The following GALM variants were observed in gnomAD, a reference collection of about 807,000 sequenced individuals.
GALM encodes galactose mutarotase.
GALM carries 43 observed loss-of-function variants against 37.4 expected under a neutral mutation model. The observed-to-expected ratio is 1.15, with a 90% CI of 0.90 to 1.48. GALM has a LOEUF of 1.48. Among genes scored for constraint, GALM ranks in the 40% most tolerant of loss-of-function variants. The probability of loss-of-function intolerance (pLI) is 0.00; values close to 1 mark genes in which losing one functional copy is unlikely to be tolerated. For synonymous variants in GALM, 199 were observed against 170.6 expected, an observed-to-expected ratio of 1.17 and a Z score of -1.30; for missense variants, 456 against 419.1, an observed-to-expected ratio of 1.09 and a Z score of -0.77.
At chr2:38,700,832 T>C (rs1665903154) in intron 4 of GALM, among the ~76,000 whole-genome samples, 1 of 152,218 alleles carries the variant, frequency 6.6e-6, no homozygotes, top group African/African-American at 2.4e-5. Context: ...ATCCTTGTGA[T>C]TGGTGGTTTT....
At chr2:38,681,716 C>T (rs1665400894) in intron 3 of GALM, among the ~76,000 whole-genome samples, 1 of 152,258 alleles carries the variant, frequency 6.6e-6, no homozygotes, top group South Asian at 2.1e-4. Flanking sequence ...CCGTTTGCTT[C>T]AGACAAGTAA....
chr2:38,719,938 GCGTTGGCT>G (rs993884240), intron 4 of GALM, among the ~76,000 whole-genome samples: 49 of 151,632 alleles, frequency 3.2e-4, no homozygotes, highest in Non-Finnish European at 6.2e-4. Flanking sequence ...TTGGCCAGGC[GCGTTGGCT>G]CACACCAACA....
chr2:38,701,618 G>A (rs1295113483), intron 4 of GALM, among the ~76,000 whole-genome samples: 3 of 152,122 alleles, frequency 2.0e-5, no homozygotes, highest in African/African-American at 7.2e-5. Context: ...GGTAGGAAAC[G>A]CTTGCCATGA....
At chr2:38,679,160 T>C (rs1204351855) in intron 2 of GALM, among the ~76,000 whole-genome samples, 1 of 152,122 alleles carries the variant, frequency 6.6e-6, no homozygotes, top group Non-Finnish European at 1.5e-5. Flanking sequence ...CTAATTTTTG[T>C]ATTTTTAGTA....
chr2:38,703,184 C>T lies in GALM; in HGVS notation c.634+13290C>T, dbSNP rs185062041. ...TTGCAATGGTGCGATCTCAGCTCAC[C>T]GCAACCTCTGCCTCCCAGGTTCAAG... On this transcript the variant is annotated intron_variant, in intron 4 of 6. Coordinates refer to ENST00000272252, the MANE Select transcript of GALM (RefSeq NM_138801.3). Among the ~76,000 whole-genome samples, 778 of 134,612 alleles carry T rather than the reference C, an allele frequency of 5.8e-3. 13 individuals are homozygous for T. The highest frequency in any genetic ancestry group is 0.019 in the African/African-American group (686 of 35,350). The allele number at this position is 134,612 out of a possible 152,430, so 88.3% of individuals were successfully genotyped here.
intron 4 of GALM, among the ~76,000 whole-genome samples, chr2:38,710,409 C>A (rs1666125557): frequency 6.6e-6 from 1 of 152,180 alleles, no homozygotes; most frequent in African/African-American, 2.4e-5. Context: ...GTCAAAAAGG[C>A]CTTCCTGTAT....
At chr2:38,674,545 C>G (rs1665191101) in intron 1 of GALM, among the ~76,000 whole-genome samples, 1 of 152,094 alleles carries the variant, frequency 6.6e-6, no homozygotes, top group African/African-American at 2.4e-5. Context: ...CAAACTTATA[C>G]TAAGCAATTA....
chr2:38,667,670 G>C (rs1664982567), intron 1 of GALM, among the ~76,000 whole-genome samples: 1 of 145,318 alleles, frequency 6.9e-6, no homozygotes, highest in Non-Finnish European at 1.5e-5. Context: ...GTTTTTGGTA[G>C]AGATGGGGTT....
intron 4 of GALM, among the ~76,000 whole-genome samples, chr2:38,722,753 C>T (rs895738979): frequency 1.6e-4 from 25 of 152,240 alleles, no homozygotes; most frequent in African/African-American, 4.8e-4. Flanking sequence ...GCTAGAAAAA[C>T]TGCATGTTCA....
At chr2:38,681,074 G>A (rs1665381217) in intron 2 of GALM, among the ~76,000 whole-genome samples, 1 of 151,612 alleles carries the variant, frequency 6.6e-6, no homozygotes. Context: ...GGAGGTTGCA[G>A]AGCCAAGACT....
intron 4 of GALM, among the ~76,000 whole-genome samples, chr2:38,697,489 G>A (rs1002200026): frequency 2.0e-5 from 3 of 152,028 alleles, no homozygotes; most frequent in Non-Finnish European, 4.4e-5. Context: ...AAGTTTTAAC[G>A]TGTGCTATTC....
intron 4 of GALM, among the ~76,000 whole-genome samples, chr2:38,726,273 C>T (rs1287699987): frequency 2.7e-5 from 4 of 149,100 alleles, no homozygotes; most frequent in African/African-American, 9.9e-5. Flanking sequence ...GTCGCCCAGG[C>T]TGGAGTGCAG....
At chr2:38,694,086 G>A (rs756451659) in intron 4 of GALM, among the ~76,000 whole-genome samples, 48 of 152,062 alleles carry the variant, frequency 3.2e-4, no homozygotes, top group Non-Finnish European at 6.0e-4. Flanking sequence ...GGAGGCTGAG[G>A]TAAGACAATT....
chr2:38,682,812 C>T (rs909670937), intron 3 of GALM, among the ~76,000 whole-genome samples: 1 of 151,892 alleles, frequency 6.6e-6, no homozygotes, highest in East Asian at 1.9e-4. Context: ...AGGAGAATCA[C>T]TTGAACCTGG....
At chr2:38,708,068 T>C (rs1666076390) in intron 4 of GALM, among the ~76,000 whole-genome samples, 1 of 150,932 alleles carries the variant, frequency 6.6e-6, no homozygotes. Flanking sequence ...GGTCATGCCA[T>C]TGCACTCCAG....
At chr2:38,672,302 A>G (rs1665128758) in intron 1 of GALM, among the ~76,000 whole-genome samples, 1 of 148,168 alleles carries the variant, frequency 6.7e-6, no homozygotes, top group East Asian at 1.9e-4. Flanking sequence ...TGTTTTTTAG[A>G]AAAAAAATTC....
At chr2:38,724,581 G>T (rs538303481) in intron 4 of GALM, among the ~76,000 whole-genome samples, 1 of 152,292 alleles carries the variant, frequency 6.6e-6, no homozygotes, top group South Asian at 2.1e-4. Flanking sequence ...GACCAAGTGT[G>T]TCAGTGCATG....
intron 4 of GALM, among the ~76,000 whole-genome samples, chr2:38,709,746 A>G (rs772774988): frequency 3.9e-5 from 6 of 152,216 alleles, no homozygotes; most frequent in African/African-American, 7.2e-5. Flanking sequence ...ACTGGAAGGA[A>G]GTAAAAATTC....
At chr2:38,725,721 T>TTTTG (rs1222746124) in intron 4 of GALM, among the ~76,000 whole-genome samples, 1 of 152,020 alleles carries the variant, frequency 6.6e-6, no homozygotes, top group African/African-American at 2.4e-5. Context: ...TTTTGTTTTG[T>TTTTG]TTTGTTTTGT....
Sources: gnomAD v4.1 joint callset for allele counts (sites outside exome capture counted in the v4.1 genomes callset) on GRCh38, gnomAD v4.1.1 for gene constraint, MANE v1.5 for transcripts, NCBI Gene and HGNC (gene_info 2026-07-23, HGNC 2026-07-21) for gene names.